The following FOXJ3 variants were observed in gnomAD, a reference collection of about 807,000 sequenced individuals.
FOXJ3 encodes forkhead box J3.
Under a neutral mutation model 76.1 loss-of-function variants are expected in FOXJ3, and 22 were observed. That is an observed-to-expected ratio of 0.29 (90% CI 0.21 to 0.41). The LOEUF (loss-of-function observed/expected upper bound fraction) is 0.41. Ranked by LOEUF, FOXJ3 falls within the 10% of genes least tolerant of loss-of-function variation. The pLI, the probability that FOXJ3 is intolerant of heterozygous loss-of-function variation, is 1.00. For missense variants in FOXJ3, 613 were observed against 762.1 expected, an observed-to-expected ratio of 0.80 and a Z score of 2.30; for synonymous variants, 269 against 261.2, an observed-to-expected ratio of 1.03 and a Z score of -0.29.
At chr1:42,198,616 T>G (rs562730530) in intron 7 of FOXJ3, among the ~76,000 whole-genome samples, 9 of 152,312 alleles carry the variant, frequency 5.9e-5, no homozygotes, top group African/African-American at 1.7e-4. Flanking sequence ...CAGGTCCCTT[T>G]ATAGCATGGC....
chr1:42,192,993 A>G (rs1646580160), intron 8 of FOXJ3, among the ~76,000 whole-genome samples: 2 of 152,278 alleles, frequency 1.3e-5, no homozygotes, highest in South Asian at 4.1e-4. Context: ...AGATCAAAGA[A>G]AGCAGTAATT....
At chr1:42,280,849 T>TA (rs1652655720) in intron 2 of FOXJ3, among the ~76,000 whole-genome samples, 1 of 152,190 alleles carries the variant, frequency 6.6e-6, no homozygotes, top group Non-Finnish European at 1.5e-5. Flanking sequence ...GTATTGGTAA[T>TA]AAGAGTAGTT....
chr1:42,299,681 C>A (rs757887738), intron 2 of FOXJ3, among the ~76,000 whole-genome samples: 3 of 151,706 alleles, frequency 2.0e-5, no homozygotes, highest in African/African-American at 4.8e-5. Flanking sequence ...CCAAAGTGGG[C>A]GGATTACTTG....
intron 8 of FOXJ3, among the ~76,000 whole-genome samples, chr1:42,193,859 T>C (rs1646598792): frequency 6.6e-6 from 1 of 152,150 alleles, no homozygotes; most frequent in Admixed American, 6.5e-5. Context: ...GTGGGACCTT[T>C]AGGAGGTAAT....
intron 1 of FOXJ3, among the ~76,000 whole-genome samples, chr1:42,320,530 G>T (rs1442255779): frequency 6.6e-6 from 1 of 152,054 alleles, no homozygotes; most frequent in Non-Finnish European, 1.5e-5. Flanking sequence ...AAAGGTATAT[G>T]AAATTAGATC....
chr1:42,182,350 C>T (rs949926418), intron 11 of FOXJ3, among the ~76,000 whole-genome samples: 4 of 152,210 alleles, frequency 2.6e-5, no homozygotes, highest in African/African-American at 9.7e-5. Context: ...CTTCATCTGA[C>T]CCTCCCACTA....
intron 5 of FOXJ3, among the ~76,000 whole-genome samples, chr1:42,206,671 A>G (rs1646867487): frequency 6.6e-6 from 1 of 152,238 alleles, no homozygotes; most frequent in East Asian, 1.9e-4. Context: ...ATACATTCAT[A>G]TAATCAAATG....
At chr1:42,274,239 A>G (rs987646248) in intron 3 of FOXJ3, among the ~76,000 whole-genome samples, 1 of 152,168 alleles carries the variant, frequency 6.6e-6, no homozygotes, top group African/African-American at 2.4e-5. Context: ...TAGAGCCACT[A>G]CTACTTGCTT....
chr1:42,269,739 AC>A (rs1651734404), intron 3 of FOXJ3, among the ~76,000 whole-genome samples: 1 of 152,154 alleles, frequency 6.6e-6, no homozygotes, highest in African/African-American at 2.4e-5. Flanking sequence ...AACCTAAAAA[AC>A]ATCCTTAACT....
intron 3 of FOXJ3, among the ~76,000 whole-genome samples, chr1:42,276,581 G>GA (rs1202665782): frequency 2.0e-5 from 3 of 151,840 alleles, no homozygotes; most frequent in Admixed American, 6.6e-5. Context: ...TGTTGATGAG[G>GA]AAAAAAAATT....
intron 4 of FOXJ3, among the ~76,000 whole-genome samples, chr1:42,248,646 G>T (rs1189149187): frequency 6.6e-6 from 1 of 151,346 alleles, no homozygotes; most frequent in Non-Finnish European, 1.5e-5. Context: ...CAAACACAGG[G>T]TATGTCCAAT....
At chr1:42,308,995 G>A (rs900745214) in intron 2 of FOXJ3, among the ~76,000 whole-genome samples, 8 of 13,304 alleles carry the variant, frequency 6.0e-4, no homozygotes, top group Admixed American at 5.3e-3. Context: ...AACAACAGTC[G>A]TTTTACAAAA....
intron 4 of FOXJ3, among the ~76,000 whole-genome samples, chr1:42,229,350 C>T (rs951345622): frequency 2.0e-5 from 3 of 152,128 alleles, no homozygotes; most frequent in African/African-American, 7.2e-5. Context: ...GTTTCTATAT[C>T]CACAGTGCCA....
chr1:42,222,040 G>GAGGAGA (rs1647216669), intron 5 of FOXJ3, among the ~76,000 whole-genome samples: 1 of 9,090 alleles, frequency 1.1e-4, no homozygotes, highest in African/African-American at 3.1e-4. Flanking sequence ...GGAGGAGAAG[G>GAGGAGA]AGAAGGAGAA....
chr1:42,246,215 A>T (rs116171012), intron 4 of FOXJ3, among the ~76,000 whole-genome samples: 2 of 152,216 alleles, frequency 1.3e-5, no homozygotes, highest in African/African-American at 4.8e-5. Context: ...CAACGGAGTG[A>T]GGAGACAATC....
chr1:42,202,760 A>G lies in FOXJ3; in HGVS notation c.630+3002T>C, dbSNP rs374753693. Among the ~76,000 whole-genome samples the G allele has an allele frequency of 5.8e-4, 89 of 152,202 alleles. 3 individuals are homozygous for G. In the South Asian group the frequency reaches 0.017, roughly 29 times the overall value. ...CATGTTGGCCAGGCTGGTCTTGAATACCTGGCCTCAAGTGATCCACCCACC... is the reference window on the plus strand; with the variant it reads ...CATGTTGGCCAGGCTGGTCTTGAATGCCTGGCCTCAAGTGATCCACCCACC... On this transcript the variant is annotated intron_variant, in intron 6 of 12. Coordinates refer to ENST00000361346, the MANE Select transcript of FOXJ3 (RefSeq NM_014947.5).
At chr1:42,310,186 G>A (rs367754601) in intron 2 of FOXJ3, among the ~76,000 whole-genome samples, 12 of 146,674 alleles carry the variant, frequency 8.2e-5, no homozygotes, top group African/African-American at 2.5e-4. Flanking sequence ...TTTGCTCATC[G>A]CCCAGGATGG....
intron 5 of FOXJ3, among the ~76,000 whole-genome samples, chr1:42,224,850 G>A (rs1325052867): frequency 6.6e-6 from 1 of 151,914 alleles, no homozygotes; most frequent in African/African-American, 2.4e-5. Flanking sequence ...ACTTTGGGAG[G>A]CTGAAGTGGG....
At position 42,312,845 on chromosome 1, in the gene FOXJ3, T is replaced by C. The variant is rs1048359645; in HGVS notation, c.-17-1735A>G. Among the ~76,000 whole-genome samples the C allele has an allele frequency of 3.9e-5, 6 of 152,338 alleles. No individual in the cohort carries two copies. In the East Asian group the frequency reaches 7.7e-4, roughly 20 times the overall value. ...AAACTGCTTTTTTAACCTTAGCACT[T>C]AGGGCTGGTGAGGGGATCCAGGACT... On this transcript the variant is annotated intron_variant, in intron 1 of 12. Transcript: ENST00000361346.
Sources: gnomAD v4.1 joint callset for allele counts (sites outside exome capture counted in the v4.1 genomes callset) on GRCh38, gnomAD v4.1.1 for gene constraint, MANE v1.5 for transcripts, NCBI Gene and HGNC (gene_info 2026-07-23, HGNC 2026-07-21) for gene names.